Variants in DYM observed in about 807,000 individuals in gnomAD.
DYM encodes the protein dyggve-Melchior-Clausen syndrome protein.
Under a neutral mutation model 93.1 loss-of-function variants are expected in DYM, and 78 were observed. The ratio of observed to expected loss-of-function variants is 0.84; its 90% CI spans 0.70 to 1.01. The LOEUF (loss-of-function observed/expected upper bound fraction) is 1.01. Ranked by LOEUF, DYM falls within the 50% of genes least tolerant of loss-of-function variation. DYM has a pLI of 0.00. For synonymous variants in DYM, 321 were observed against 319.7 expected, an observed-to-expected ratio of 1.00 and a Z score of -0.04; for missense variants, 789 against 845.0, an observed-to-expected ratio of 0.93 and a Z score of 0.82.
At chr18:49,332,084 C>T in intron 7 of DYM, 78 bp from the exon 8 acceptor site, 1 of 1,401,294 alleles carries the variant, frequency 7.1e-7, no homozygotes, top group Non-Finnish European at 9.9e-7. Context: ...AGAAATAATT[C>T]TGCCATTAAC....
At chr18:49,233,697 T>A (rs890546822) in intron 13 of DYM, among the ~76,000 whole-genome samples, 1 of 152,110 alleles carries the variant, frequency 6.6e-6, no homozygotes. Flanking sequence ...ACTAACAGAT[T>A]TTTTTTAGTA....
chr18:49,342,379 T>C (rs1287384100), intron 6 of DYM, among the ~76,000 whole-genome samples: 1 of 152,132 alleles, frequency 6.6e-6, no homozygotes, highest in African/African-American at 2.4e-5. Context: ...AAAAGGTCTT[T>C]AACTTTAAAC....
At chr18:49,107,788 C>T (rs541091256) in intron 16 of DYM, among the ~76,000 whole-genome samples, 39 of 152,276 alleles carry the variant, frequency 2.6e-4, no homozygotes, top group Middle Eastern at 3.4e-3. Flanking sequence ...GACGAGTACC[C>T]GGCCGTGTGA....
At chr18:49,193,556 T>C (rs2091174664) in intron 14 of DYM, among the ~76,000 whole-genome samples, 1 of 152,216 alleles carries the variant, frequency 6.6e-6, no homozygotes, top group Non-Finnish European at 1.5e-5. Flanking sequence ...AACACGGTTT[T>C]AAAACATAAG....
At chr18:49,457,695 C>G (rs1221418707) in intron 1 of DYM, among the ~76,000 whole-genome samples, 1 of 152,162 alleles carries the variant, frequency 6.6e-6, no homozygotes, top group Non-Finnish European at 1.5e-5. Context: ...TGTCCACATA[C>G]TAATCCATGG....
chr18:49,202,792 C>G (rs1394810939), intron 14 of DYM, among the ~76,000 whole-genome samples: 1 of 46,124 alleles, frequency 2.2e-5, no homozygotes, highest in African/African-American at 7.4e-5. Context: ...AGCCCCTCCG[C>G]CCGGCAGCTG....
intron 17 of DYM, among the ~76,000 whole-genome samples, chr18:49,060,113 A>G (rs1349102609): frequency 6.6e-6 from 1 of 152,200 alleles, no homozygotes; most frequent in Non-Finnish European, 1.5e-5. Context: ...CTAAAAAGCA[A>G]TCCTCTAACA....
intron 17 of DYM, among the ~76,000 whole-genome samples, chr18:49,070,054 T>A (rs750471452): frequency 6.6e-6 from 1 of 151,922 alleles, no homozygotes; most frequent in Non-Finnish European, 1.5e-5. Flanking sequence ...AACAGACAAA[T>A]AAACAAACAA....
At chr18:49,086,510 C>A (rs557011963) in intron 17 of DYM, among the ~76,000 whole-genome samples, 4 of 152,142 alleles carry the variant, frequency 2.6e-5, no homozygotes, top group African/African-American at 9.7e-5. Context: ...TCTCAACATA[C>A]GTTTGGAGGG....
intron 8 of DYM, among the ~76,000 whole-genome samples, chr18:49,288,920 C>A (rs1039553304): frequency 1.1e-4 from 17 of 151,998 alleles, no homozygotes; most frequent in African/African-American, 4.1e-4. Flanking sequence ...AACATTTCTA[C>A]ATGAAAAAAA....
At chr18:49,092,786 AAGG>A (rs1219448806) in intron 17 of DYM, among the ~76,000 whole-genome samples, 3 of 152,166 alleles carry the variant, frequency 2.0e-5, no homozygotes, top group Admixed American at 2.0e-4. Flanking sequence ...AGGGTGGTAG[AAGG>A]AGAAGGGCCA....
At chr18:49,303,603 C>T (rs2061084224) in intron 8 of DYM, among the ~76,000 whole-genome samples, 2 of 152,134 alleles carry the variant, frequency 1.3e-5, no homozygotes, top group Non-Finnish European at 2.9e-5. Context: ...TTGGCTGGAG[C>T]TGTGCAGTGA....
At chr18:49,226,384 G>A (rs1473219095) in intron 13 of DYM, among the ~76,000 whole-genome samples, 3 of 152,258 alleles carry the variant, frequency 2.0e-5, no homozygotes, top group Middle Eastern at 3.4e-3. Flanking sequence ...ATGTTGTCAT[G>A]GCTCTCCACT....
intron 13 of DYM, among the ~76,000 whole-genome samples, chr18:49,234,130 A>AAACAAC (rs371998809): frequency 1.3e-5 from 2 of 151,556 alleles, no homozygotes; most frequent in Non-Finnish European, 2.9e-5. Context: ...CTCCACCTCA[A>AAACAAC]AACAACAACA....
chr18:49,356,603 C>T (rs966907683), intron 6 of DYM, among the ~76,000 whole-genome samples: 5 of 152,288 alleles, frequency 3.3e-5, no homozygotes, highest in Non-Finnish European at 4.4e-5. Context: ...GGCATTTTCC[C>T]AATAGCTAGG....
intron 10 of DYM, among the ~76,000 whole-genome samples, chr18:49,274,171 A>G (rs1249388499): frequency 1.3e-5 from 2 of 151,888 alleles, no homozygotes; most frequent in African/African-American, 4.8e-5. Flanking sequence ...CCAGACCCCT[A>G]TCTACCCTGC....
intron 2 of DYM, among the ~76,000 whole-genome samples, chr18:49,403,120 T>C (rs2071046120): frequency 6.6e-6 from 1 of 151,920 alleles, no homozygotes. Flanking sequence ...GTCAAATATT[T>C]ATTTATTTAT....
At chr18:49,140,013 G>A (rs2084291350) in intron 15 of DYM, among the ~76,000 whole-genome samples, 1 of 152,014 alleles carries the variant, frequency 6.6e-6, no homozygotes, top group African/African-American at 2.4e-5. Context: ...TTATAACTCT[G>A]TACTTACGCC....
At chr18:49,375,154 C>G (rs368822109) in intron 5 of DYM, among the ~76,000 whole-genome samples, 31 of 150,740 alleles carry the variant, frequency 2.1e-4, no homozygotes, top group African/African-American at 6.8e-4. Context: ...CCCCTAAACA[C>G]CTGGGGCTCT....
Sources: allele counts gnomAD v4.1 joint callset (sites outside exome capture counted in the v4.1 genomes callset), GRCh38; gene constraint gnomAD v4.1.1; transcripts MANE v1.5; gene names NCBI Gene and HGNC (gene_info 2026-07-23, HGNC 2026-07-21).